The following SSBP2 variants were observed in gnomAD, a reference collection of about 807,000 sequenced individuals.
The protein encoded by SSBP2 is single stranded DNA binding protein 2.
A neutral mutation model predicts 61.8 loss-of-function variants in SSBP2; 17 were observed. The observed-to-expected ratio is 0.28, with a 90% CI of 0.19 to 0.41. The LOEUF is 0.41. SSBP2 is among the 10% of genes least tolerant of loss of function. The probability of loss-of-function intolerance (pLI) is 1.00; values close to 1 mark genes in which losing one functional copy is unlikely to be tolerated. For synonymous variants in SSBP2, 139 were observed against 141.3 expected (o/e 0.98, Z 0.12); for missense variants, 310 against 458.7 (o/e 0.68, Z 2.96).
chr5:81,640,194 G>A (rs1748648005), intron 2 of SSBP2, among the ~76,000 whole-genome samples: 1 of 152,072 alleles, frequency 6.6e-6, no homozygotes, highest in South Asian at 2.1e-4. Context: ...ACAAAAATTA[G>A]CCAGGCATGG....
intron 2 of SSBP2, among the ~76,000 whole-genome samples, chr5:81,649,943 A>G (rs116114357): frequency 0.013 from 2,045 of 152,220 alleles, 63 homozygotes; most frequent in African/African-American, 0.047. Context: ...AGTGAGAGAT[A>G]TGGTTGAGGG....
In SSBP2 at chr5:81,461,155, C is replaced by T. The variant is rs114306014; in HGVS notation, c.639-52G>A. The T allele has an allele frequency of 1.1e-3, 1,493 of 1,341,302 alleles. 9 individuals carry two copies. The African/African-American group carries it at 0.014, about 13-fold the overall frequency. 83.1% of individuals were successfully genotyped at this position (1,341,302 alleles called of 1,614,324 possible). ...TTTAACCTATGCTTTGAAGGTTTCA[C>T]AATAATCAATGACAAATCATAAAAT... On this transcript the variant is annotated intron_variant, in intron 9 of 16. Coordinates refer to ENST00000320672, the MANE Select transcript of SSBP2 (RefSeq NM_012446.5).
At chr5:81,472,683 T>A (rs1765327803) in intron 8 of SSBP2, among the ~76,000 whole-genome samples, 1 of 152,188 alleles carries the variant, frequency 6.6e-6, no homozygotes. Context: ...CACTGCAACC[T>A]CTGCCTCCCA....
chr5:81,452,397 G>C (rs1487331074), intron 10 of SSBP2, among the ~76,000 whole-genome samples: 3 of 152,148 alleles, frequency 2.0e-5, no homozygotes, highest in Non-Finnish European at 4.4e-5. Context: ...GAAGTGCTGG[G>C]ATTACAGGCA....
chr5:81,738,237 T>C (rs372191912), intron 1 of SSBP2, among the ~76,000 whole-genome samples: 7 of 152,200 alleles, frequency 4.6e-5, no homozygotes, highest in African/African-American at 1.4e-4. Context: ...GTTACACTGG[T>C]GTGTTCAGTT....
chr5:81,489,953 G>C (rs1766728956), intron 5 of SSBP2, among the ~76,000 whole-genome samples: 1 of 151,668 alleles, frequency 6.6e-6, no homozygotes, highest in African/African-American at 2.4e-5. Flanking sequence ...AACAGTTAGA[G>C]GCTGTGGTGC....
At chr5:81,500,226 T>C (rs1767598370) in intron 5 of SSBP2, among the ~76,000 whole-genome samples, 1 of 152,194 alleles carries the variant, frequency 6.6e-6, no homozygotes, top group African/African-American at 2.4e-5. Context: ...ATAACTTTTT[T>C]TTTTTGAGAT....
chr5:81,426,938 C>T (rs922827704), intron 16 of SSBP2, among the ~76,000 whole-genome samples: 1 of 152,190 alleles, frequency 6.6e-6, no homozygotes, highest in Non-Finnish European at 1.5e-5. Flanking sequence ...CATTACAGCA[C>T]TCATTAATCT....
intron 4 of SSBP2, among the ~76,000 whole-genome samples, chr5:81,529,258 G>A (rs1216341675): frequency 6.6e-6 from 1 of 152,132 alleles, no homozygotes; most frequent in Non-Finnish European, 1.5e-5. Context: ...ATTGCATTAA[G>A]TGGAAAGTAA....
At chr5:81,712,300 C>T (rs1754846788) in intron 1 of SSBP2, among the ~76,000 whole-genome samples, 1 of 151,704 alleles carries the variant, frequency 6.6e-6, no homozygotes, top group Non-Finnish European at 1.5e-5. Context: ...AAGAATATGC[C>T]TTTGTCATCT....
At chr5:81,576,512 T>C (rs900887699) in intron 4 of SSBP2, among the ~76,000 whole-genome samples, 1 of 152,068 alleles carries the variant, frequency 6.6e-6, no homozygotes, top group Admixed American at 6.5e-5. Context: ...ATCGCCTAGA[T>C]AATAAAAAGG....
chr5:81,627,472 T>G (rs973413730), intron 3 of SSBP2, among the ~76,000 whole-genome samples: 2 of 152,236 alleles, frequency 1.3e-5, no homozygotes, highest in Admixed American at 6.5e-5. Flanking sequence ...GTAAGCCAAT[T>G]ATAAATATTA....
chr5:81,653,237 G>A (rs889484157), intron 1 of SSBP2, among the ~76,000 whole-genome samples: 1 of 152,006 alleles, frequency 6.6e-6, no homozygotes, highest in Non-Finnish European at 1.5e-5. Flanking sequence ...TGAGAATGAT[G>A]GCTTCCAGCT....
intron 4 of SSBP2, among the ~76,000 whole-genome samples, chr5:81,547,665 G>A (rs1198769388): frequency 2.0e-5 from 3 of 152,038 alleles, no homozygotes; most frequent in African/African-American, 7.2e-5. Context: ...TAGAGACGAT[G>A]TCTTGCTATG....
chr5:81,697,724 C>A (rs559453974), intron 1 of SSBP2, among the ~76,000 whole-genome samples: 1 of 152,120 alleles, frequency 6.6e-6, no homozygotes, highest in South Asian at 2.1e-4. Flanking sequence ...TTTCTGGAGA[C>A]CACAAAAAAA....
chr5:81,614,550 G>T (rs144629188), intron 4 of SSBP2, among the ~76,000 whole-genome samples: 1 of 151,830 alleles, frequency 6.6e-6, no homozygotes, highest in African/African-American at 2.4e-5. Flanking sequence ...CCTTTTGAGC[G>T]CTGGTTCTGG....
At chr5:81,548,268 T>C (rs563886520) in intron 4 of SSBP2, among the ~76,000 whole-genome samples, 2 of 152,138 alleles carry the variant, frequency 1.3e-5, no homozygotes, top group Non-Finnish European at 2.9e-5. Context: ...ACTGTGGACT[T>C]TGGGTGACAA....
chr5:81,722,179 T>C (rs1349893728), intron 1 of SSBP2, among the ~76,000 whole-genome samples: 1 of 151,944 alleles, frequency 6.6e-6, no homozygotes, highest in Non-Finnish European at 1.5e-5. Context: ...GCAAAAAGAA[T>C]ACAAAATATC....
At chr5:81,441,045 T>C (rs1308343072) in intron 13 of SSBP2, among the ~76,000 whole-genome samples, 2 of 152,248 alleles carry the variant, frequency 1.3e-5, no homozygotes, top group Non-Finnish European at 2.9e-5. Context: ...AATGTCATTA[T>C]GACAACATTA....
Sources: allele counts gnomAD v4.1 joint callset (sites outside exome capture counted in the v4.1 genomes callset), GRCh38; gene constraint gnomAD v4.1.1; transcripts MANE v1.5; gene names NCBI Gene and HGNC (gene_info 2026-07-23, HGNC 2026-07-21).